Variants in ABHD6 observed in about 807,000 individuals in gnomAD.
ABHD6 encodes abhydrolase domain containing 6, acylglycerol lipase, also known as monoacylglycerol lipase ABHD6.
ABHD6 carries 33 observed loss-of-function variants against 38.8 expected under a neutral mutation model. The observed-to-expected ratio is 0.85, with a 90% confidence interval of 0.64 to 1.14. The LOEUF is 1.14. Among genes scored for constraint, ABHD6 ranks in the 50% most tolerant of loss-of-function variants. The probability of loss-of-function intolerance (pLI) is 0.00; values close to 1 mark genes in which losing one functional copy is unlikely to be tolerated. For missense variants in ABHD6, 380 were observed against 422.6 expected, an observed-to-expected ratio of 0.90 and a Z score of 0.88; for synonymous variants, 147 against 161.6, an observed-to-expected ratio of 0.91 and a Z score of 0.69.
In ABHD6 at chr3:58,293,494, C is replaced by A; in HGVS notation, c.838-95C>A. The A allele has an allele frequency of 7.3e-7, 1 of 1,375,950 alleles. No homozygotes were observed. 85.2% of individuals were successfully genotyped at this position (1,375,950 alleles called of 1,614,324 possible). ...AATTCACATCCTCCTGCCCCACTGA[C>A]CCCTGCCAGGCCTTGGTGGAAGTTC... On this transcript the variant is annotated intron_variant, in intron 9 of 9. Coordinates refer to ENST00000478253, the MANE Select transcript of ABHD6 (RefSeq NM_001320126.2). The surrounding 1 kb of genome is among the most constrained non-coding windows in gnomAD (Gnocchi z 4.4).
At chr3:58,241,311 G>A (rs1272665859) in intron 1 of ABHD6, among the ~76,000 whole-genome samples, 2 of 152,138 alleles carry the variant, frequency 1.3e-5, no homozygotes, top group Non-Finnish European at 2.9e-5. Context: ...GAAACCCTCT[G>A]GATCCTATTT....
chr3:58,290,878 G>A (rs879023791), intron 9 of ABHD6, among the ~76,000 whole-genome samples: 6 of 149,036 alleles, frequency 4.0e-5, no homozygotes, highest in African/African-American at 9.9e-5. Flanking sequence ...GGGCAGAGAC[G>A]CTCCTCACTT....
At chr3:58,280,906 T>C (rs905940430) in intron 7 of ABHD6, among the ~76,000 whole-genome samples, 3 of 152,178 alleles carry the variant, frequency 2.0e-5, no homozygotes, top group African/African-American at 7.2e-5. Context: ...CCTGTTTGCC[T>C]GGGTATCACC....
intron 9 of ABHD6, among the ~76,000 whole-genome samples, chr3:58,290,067 G>A (rs1318911948): frequency 7.6e-6 from 1 of 131,048 alleles, no homozygotes; most frequent in Non-Finnish European, 1.6e-5. Context: ...CCTCCCGGAC[G>A]GGGCGGCTGG....
At chr3:58,262,222 A>G (rs1192936780) in intron 3 of ABHD6, among the ~76,000 whole-genome samples, 2 of 152,240 alleles carry the variant, frequency 1.3e-5, no homozygotes, top group African/African-American at 4.8e-5. Flanking sequence ...GTTTCTATTT[A>G]GGATGACAAA....
In ABHD6 at chr3:58,273,277, T is replaced by C. The variant is rs1451890780; in HGVS notation, c.524-1381T>C. Among the ~76,000 whole-genome samples, 1 of 152,128 alleles carries C rather than the reference T, an allele frequency of 6.6e-6. No homozygotes were observed. Among genetic ancestry groups the C allele is most frequent in the East Asian group, 1.9e-4 (1 of 5,192 alleles). On this transcript the variant is annotated intron_variant, in intron 6 of 9. Transcript: ENST00000478253. This position sits in a 1 kb window ranked among gnomAD's most constrained non-coding sequence, Gnocchi z 4.8. ...ATAAAATCTAGCTCTTTTCTAGATT[T>C]TGCTGGGTGAGGTAGCTCACACCTG...
rs199696239 is a variant in ABHD6, at chr3:58,274,750, A to G, written c.616A>G (p.Thr206Ala). ...AVEKIPLIPS[T>A]PEEMSEMLQL... ...GGAGAAGATTCCCTTGATCCCGTCT[A>G]CCCCAGAAGAGATGAGTGAAATGCT... The change falls in exon 7 of 10, where the codon ACC becomes GCC. Residue 206 changes from threonine (T) to alanine (A), a missense_variant. Physicochemically the swap from Thr to Ala is moderately conservative, Grantham distance 58. Transcript: ENST00000478253. The G allele has an allele frequency of 2.5e-6, 4 of 1,614,186 alleles. No homozygotes were observed. The highest frequency in any genetic ancestry group is 3.4e-6 in the Non-Finnish European group (4 of 1,180,034).
chr3:58,290,347 AC>A (rs1304009689), intron 9 of ABHD6, among the ~76,000 whole-genome samples: 5 of 81,878 alleles, frequency 6.1e-5, no homozygotes, highest in African/African-American at 2.5e-4. Flanking sequence ...GCGGGGGCTG[AC>A]CCCCCACCTT....
chr3:58,289,864 G>C (rs1189508516), intron 9 of ABHD6, among the ~76,000 whole-genome samples: 2,340 of 104,594 alleles, frequency 0.022, 134 homozygotes, highest in African/African-American at 0.12. Flanking sequence ...CGGGTAGGGG[G>C]CTGACCCCCC....
At chr3:58,268,228 G>C (rs969312570) in intron 4 of ABHD6, among the ~76,000 whole-genome samples, 6 of 152,182 alleles carry the variant, frequency 3.9e-5, no homozygotes, top group African/African-American at 1.2e-4. Context: ...CTGCATCTCA[G>C]AACTGCTGTG....
rs2097438593 is a variant in ABHD6, at chr3:58,263,520, G to A, written c.120-3669G>A. 6.6e-6 allele frequency among the ~76,000 whole-genome samples: 1 copy of A among 152,154 alleles called. No individual in the cohort carries two copies. The highest frequency in any genetic ancestry group is 6.5e-5 in the Admixed American group (1 of 15,280). The stretch of plus-strand genomic sequence containing the variant: ...GTACCAAAGAGCTCTGTCTGATAAT[G>A]AAGAAGCCCTTAATTCCTGAATCCG... On this transcript the variant is annotated intron_variant, in intron 3 of 9. Coordinates refer to ENST00000478253, the MANE Select transcript of ABHD6 (RefSeq NM_001320126.2). This position sits in a 1 kb window ranked among gnomAD's most constrained non-coding sequence, Gnocchi z 4.9.
At position 58,269,287 on chromosome 3, in the gene ABHD6, C is replaced by T. The variant is rs778422174; in HGVS notation, c.277-34C>T. ...AAATGGGCAGACATGTTTTGCACAC[C>T]ACATACTGACTCTCTGGGTCTGTGT... On this transcript the variant is annotated intron_variant, in intron 4 of 9. Transcript: ENST00000478253. This position sits in a 1 kb window ranked among gnomAD's most constrained non-coding sequence, Gnocchi z 4.4. 7 of 1,541,314 alleles carry T rather than the reference C, an allele frequency of 4.5e-6. No individual in the cohort carries two copies. Among genetic ancestry groups the T allele is most frequent in the Non-Finnish European group, 6.3e-6 (7 of 1,115,306 alleles).
At chr3:58,245,225 C>G (rs2097425486) in intron 1 of ABHD6, among the ~76,000 whole-genome samples, 1 of 152,150 alleles carries the variant, frequency 6.6e-6, no homozygotes, top group Admixed American at 6.5e-5. Flanking sequence ...AGTGCAATGG[C>G]TCGATCTCAG....
chr3:58,269,451 A>G lies in ABHD6; in HGVS notation c.390+17A>G. On this transcript the variant is annotated intron_variant, in intron 5 of 9. Transcript: ENST00000478253. This position sits in a 1 kb window ranked among gnomAD's most constrained non-coding sequence, Gnocchi z 4.4. Reference sequence around the variant, plus strand: ...ATACACCAGGTAAGCAGGAGGCTCTACCAAAGATTGCCCAGACTGTCTCAG... The same window carrying G: ...ATACACCAGGTAAGCAGGAGGCTCTGCCAAAGATTGCCCAGACTGTCTCAG... The G allele has an allele frequency of 1.9e-6, 3 of 1,591,740 alleles. No homozygotes were observed. In the South Asian group the frequency reaches 3.3e-5, roughly 18 times the overall value.
At chr3:58,286,848 G>A (rs199927873) in intron 9 of ABHD6, among the ~76,000 whole-genome samples, 5,181 of 69,782 alleles carry the variant, frequency 0.074, 619 homozygotes, top group African/African-American at 0.24. Context: ...GTGTGTGTGT[G>A]TGTGTATATA....
intron 7 of ABHD6, among the ~76,000 whole-genome samples, chr3:58,275,038 G>C (rs936982915): frequency 1.3e-5 from 2 of 152,218 alleles, no homozygotes; most frequent in African/African-American, 4.8e-5. Flanking sequence ...CAGTCCAGTG[G>C]GGGAGGCAGA....
At position 58,259,843 on chromosome 3, in the gene ABHD6, A is replaced by T. The variant is rs1340448028; in HGVS notation, c.119+3138A>T. On this transcript the variant is annotated intron_variant, in intron 3 of 9. Transcript: ENST00000478253. The surrounding 1 kb of genome is among the most constrained non-coding windows in gnomAD (Gnocchi z 4.7). ...CCCATACCTAGTAGCCATCAATCCC[A>T]GTTTCTCCCTCACTTCATCTTCTGG... Among the ~76,000 whole-genome samples the T allele has an allele frequency of 1.3e-5, 2 of 152,134 alleles. No individual in the cohort carries two copies. Among genetic ancestry groups the T allele is most frequent in the Non-Finnish European group, 2.9e-5 (2 of 68,024 alleles).
At chr3:58,274,609 G>T (rs750316798) in intron 6 of ABHD6, 49 bp from the exon 7 acceptor site, 2 of 1,578,138 alleles carry the variant, frequency 1.3e-6, no homozygotes, top group South Asian at 2.3e-5. Context: ...AAATGGGATT[G>T]GTAAGAAGGT....
At position 58,287,779 on chromosome 3, in the gene ABHD6, T is replaced by C. The variant is rs1269669705; in HGVS notation, c.837+2326T>C. ...GGGCACTGGCCTTGGATTCTGAAAG[T>C]CTATGTTCCAGCCCTACTTTTGTCC... is the stretch of plus-strand genomic sequence containing the variant. On this transcript the variant is annotated intron_variant, in intron 9 of 9. Transcript: ENST00000478253. This position sits in a 1 kb window ranked among gnomAD's most constrained non-coding sequence, Gnocchi z 4.7. Among the ~76,000 whole-genome samples the C allele has an allele frequency of 6.6e-6, 1 of 152,222 alleles. No homozygotes were observed. The highest frequency in any genetic ancestry group is 1.9e-4 in the East Asian group (1 of 5,198).
Sources: gnomAD v4.1 joint callset for allele counts (sites outside exome capture counted in the v4.1 genomes callset) on GRCh38, gnomAD v4.1.1 for gene constraint, Gnocchi (gnomAD v3.1) non-coding constraint, MANE v1.5 for transcripts, NCBI Gene and HGNC (gene_info 2026-07-23, HGNC 2026-07-21) for gene names.